PPP2R5B: variants seen among roughly 807,000 people sequenced by gnomAD.
PPP2R5B encodes the protein serine/threonine-protein phosphatase 2A 56 kDa regulatory subunit beta isoform.
A neutral mutation model predicts 59.9 loss-of-function variants in PPP2R5B; 19 were observed. The ratio of observed to expected loss-of-function variants is 0.32; its 90% confidence interval spans 0.22 to 0.47. The LOEUF (loss-of-function observed/expected upper bound fraction) is 0.47. PPP2R5B is among the 20% of genes least tolerant of loss of function. The pLI is 1.00. For missense variants in PPP2R5B, 441 were observed against 640.2 expected, an observed-to-expected ratio of 0.69 and a Z score of 3.36; for synonymous variants, 286 against 260.5, an observed-to-expected ratio of 1.10 and a Z score of -0.94.
chr11:64,928,598 G>A (rs1351841201), intron 6 of PPP2R5B, among the ~76,000 whole-genome samples, 173 bp downstream of exon 6: 1 of 152,202 alleles, frequency 6.6e-6, no homozygotes, highest in Non-Finnish European at 1.5e-5. Context: ...CCAACATGGT[G>A]AAACCCCGTC....
At chr11:64,920,850 G>A (rs1010801093), upstream of PPP2R5B, among the ~76,000 whole-genome samples, 1 of 151,276 alleles carries the variant, frequency 6.6e-6, no homozygotes. Flanking sequence ...GGTTGGTCTC[G>A]AAGTTTTGAC....
Position 64,932,736 on chromosome 11 carries a change from TA to T in PPP2R5B, c.1117-27del, listed in dbSNP as rs756510879. 5 of 1,610,148 alleles carry T rather than the reference TA, an allele frequency of 3.1e-6. No homozygotes were observed. The African/African-American group carries it at 6.7e-5, about 22-fold the overall frequency. On this transcript the variant is annotated intron_variant, in intron 11 of 13. Transcript: ENST00000164133. ...CACACAGAGAGAAGCCACTGCCAGT[TA>T]ATCACTCTGCCATCTTGTCTGCCCC...
chr11:64,926,689 C>T lies in PPP2R5B; in HGVS notation c.200-23C>T. The T allele has an allele frequency of 1.9e-6, 3 of 1,611,052 alleles. No homozygotes were observed. The East Asian group carries it at 6.7e-5, about 36-fold the overall frequency. ...CAGCTGGGGGAGCTGGGGCCCAGGCCCAGGATGCCCTCTCCTCCCCAGATG... is the reference window on the plus strand; with the variant it reads ...CAGCTGGGGGAGCTGGGGCCCAGGCTCAGGATGCCCTCTCCTCCCCAGATG... On this transcript the variant is annotated intron_variant, in intron 2 of 13. Transcript: ENST00000164133.
chr11:64,925,748 TG>T lies in PPP2R5B; in HGVS notation c.15del (p.Pro7LeufsTer71). On this transcript the variant is annotated frameshift_variant, in exon 2 of 14. Transcript: ENST00000164133. LOFTEE classifies it high-confidence loss of function. The surrounding 1 kb of genome is among the most constrained non-coding windows in gnomAD (Gnocchi z 4.6). METK[L>X]PPASTPTSPS... is the part of the protein sequence containing the mutation. ...CGCCTGACCGCCATGGAGACGAAGC[TG>T]CCCCCTGCAAGCACCCCCACTAGCC... 6.3e-7 allele frequency: 1 copy of T among 1,592,216 alleles called. No homozygotes were observed. The highest frequency in any genetic ancestry group is 8.6e-7 in the Non-Finnish European group (1 of 1,166,934).
At chr11:64,926,933 GAGGGCCGGCC>G (rs1418977251) in intron 3 of PPP2R5B, 25 bp downstream of exon 3, 2 of 1,607,398 alleles carry the variant, frequency 1.2e-6, no homozygotes, top group East Asian at 2.2e-5. Flanking sequence ...CCCAGGCTCC[GAGGGCCGGCC>G]GAGAGGGCGT....
rs758480106 is a variant in PPP2R5B at position 64,930,431 on chromosome 11, C to G, written c.782+50C>G. 1.9e-6 allele frequency: 3 copies of G among 1,613,522 alleles called. No homozygotes were observed. The South Asian group carries it at 3.3e-5, about 18-fold the overall frequency. ...GAGCTCAGGATTCTGGAAGGAGGGA[C>G]TGGGGCCAGGTCACCTGAGCCCTCT... On this transcript the variant is annotated intron_variant, in intron 7 of 13. Coordinates refer to ENST00000164133, the MANE Select transcript of PPP2R5B (RefSeq NM_006244.4).
In PPP2R5B at chr11:64,931,727, C is replaced by T. The variant is rs374175756; in HGVS notation, c.997-22C>T. 4 of 1,614,090 alleles carry T rather than the reference C, an allele frequency of 2.5e-6. No individual in the cohort carries two copies. The highest frequency in any genetic ancestry group is 3.4e-6 in the Non-Finnish European group (4 of 1,179,954). On this transcript the variant is annotated intron_variant, in intron 10 of 13. Coordinates refer to ENST00000164133, the MANE Select transcript of PPP2R5B (RefSeq NM_006244.4). This position sits in a 1 kb window ranked among gnomAD's most constrained non-coding sequence, Gnocchi z 5.0. ...GTGAGCTGCTGCCCCTCTGTCCCTA[C>T]TCCCCTCCCCAACCCACCCAGGTGA... is the stretch of plus-strand genomic sequence containing the variant.
rs1386849741 is a variant in PPP2R5B, at chr11:64,927,578, A to C, written c.397-224A>C. ...AATTTGCCGGGCATAGTGGTGTGCT[A>C]CTGTAGTCCAGCTACTCAGAAGGCT... On this transcript the variant is annotated intron_variant, in intron 3 of 13. Coordinates refer to ENST00000164133, the MANE Select transcript of PPP2R5B (RefSeq NM_006244.4). Among the ~76,000 whole-genome samples, 3 of 152,120 alleles carry C rather than the reference A, an allele frequency of 2.0e-5. No homozygotes were observed. In the East Asian group the frequency reaches 5.8e-4, roughly 29 times the overall value.
Position 64,931,652 on chromosome 11 carries a change from G to C in PPP2R5B, c.996+43G>C. On this transcript the variant is annotated intron_variant, in intron 10 of 13. Transcript: ENST00000164133. The surrounding 1 kb of genome is among the most constrained non-coding windows in gnomAD (Gnocchi z 5.0). The stretch of plus-strand genomic sequence containing the variant: ...GATGCCCGCCAGAGGGAGGCTGGGA[G>C]GGCTCGGCCTCTAGAAGGCAGTCAG... 6.2e-7 allele frequency: 1 copy of C among 1,613,560 alleles called. No individual in the cohort carries two copies. Among genetic ancestry groups the C allele is most frequent in the East Asian group, 2.2e-5 (1 of 44,880 alleles).
At chr11:64,918,551 G>A (rs921922126) in intron 1 of PPP2R5B, among the ~76,000 whole-genome samples, 1 of 152,074 alleles carries the variant, frequency 6.6e-6, no homozygotes, top group Non-Finnish European at 1.5e-5. Context: ...GGCTGGTCTC[G>A]AACTCCTGAC....
intron 2 of PPP2R5B, among the ~76,000 whole-genome samples, chr11:64,926,179 C>T (rs1243396372): frequency 2.0e-5 from 3 of 152,232 alleles, no homozygotes; most frequent in Non-Finnish European, 4.4e-5. Flanking sequence ...CAGACCAAGG[C>T]CAAGGGTGGG....
intron 6 of PPP2R5B, 146 bp downstream of exon 6, chr11:64,928,571 GT>G (rs1945194062): frequency 2.4e-6 from 3 of 1,249,550 alleles, no homozygotes; most frequent in African/African-American, 1.5e-5. Context: ...AAGGTGAGGA[GT>G]TTGAGACCAA....
chr11:64,931,677 G>C lies in PPP2R5B; in HGVS notation c.996+68G>C. On this transcript the variant is annotated intron_variant, in intron 10 of 13. Coordinates refer to ENST00000164133, the MANE Select transcript of PPP2R5B (RefSeq NM_006244.4). The surrounding 1 kb of genome is among the most constrained non-coding windows in gnomAD (Gnocchi z 5.0). ...GGGCTCGGCCTCTAGAAGGCAGTCA[G>C]GTGTGTGTATGTGTAGGGGGAGATG... 6.2e-7 allele frequency: 1 copy of C among 1,613,906 alleles called. No homozygotes were observed. The highest frequency in any genetic ancestry group is 8.5e-7 in the Non-Finnish European group (1 of 1,179,952).
intron 1 of PPP2R5B, among the ~76,000 whole-genome samples, chr11:64,917,839 C>T (rs1945052892): frequency 6.6e-6 from 1 of 152,066 alleles, no homozygotes; most frequent in Admixed American, 6.6e-5. Flanking sequence ...GGTCTTTTTT[C>T]CCCTCCTCAC....
chr11:64,920,343 G>T (rs1291525812), upstream of PPP2R5B, among the ~76,000 whole-genome samples: 3 of 152,176 alleles, frequency 2.0e-5, no homozygotes, highest in Admixed American at 2.0e-4. Context: ...AGGGGTTGGT[G>T]CCTGCAGGTC....
intron 3 of PPP2R5B, 129 bp downstream of exon 3, chr11:64,927,037 T>TCCCC (rs71270582): frequency 5.6e-6 from 6 of 1,069,000 alleles, no homozygotes; most frequent in Non-Finnish European, 8.0e-6. Flanking sequence ...ACGTCTTCCT[T>TCCCC]CCCCCCGACC....
At chr11:64,932,711 C>A in intron 11 of PPP2R5B, 54 bp from the exon 12 acceptor site, 2 of 1,594,326 alleles carry the variant, frequency 1.3e-6, no homozygotes, top group Non-Finnish European at 1.7e-6. Flanking sequence ...CCAGACCTTG[C>A]ACACAGAGAG....
In PPP2R5B at chr11:64,928,120, G is replaced by A. The variant is rs775390875; in HGVS notation, c.553G>A (p.Val185Met). Residue 185 changes from valine (V) to methionine (M), a missense_variant, in exon 5 of 14, where the codon GTG (valine) becomes ATG (methionine). Val to Met is a conservative substitution (Grantham distance 21). Transcript: ENST00000164133. Reference sequence around the variant, plus strand: ...GGAGAGCCCAGACTTCCAGCCCTCCGTGGCCAAGAGATATGTGGATCAAAA... The same window carrying A: ...GGAGAGCCCAGACTTCCAGCCCTCCATGGCCAAGAGATATGTGGATCAAAA... ...FLESPDFQPS[V>M]AKRYVDQKFV... 4.2e-5 allele frequency: 67 copies of A among 1,614,066 alleles called. No homozygotes were observed. The East Asian group carries it at 1.3e-3, about 32-fold the overall frequency.
intron 1 of PPP2R5B, among the ~76,000 whole-genome samples, chr11:64,918,983 T>C (rs773500124): frequency 5.9e-5 from 9 of 152,036 alleles, no homozygotes; most frequent in Non-Finnish European, 1.0e-4. Context: ...TAAGTGGAGA[T>C]AGTTCATTAC....
Sources: allele counts gnomAD v4.1 joint callset (sites outside exome capture counted in the v4.1 genomes callset), GRCh38; gene constraint gnomAD v4.1.1; non-coding constraint Gnocchi (gnomAD v3.1); transcripts MANE v1.5; gene names NCBI Gene and HGNC (gene_info 2026-07-23, HGNC 2026-07-21).